FAM219A: variants seen among roughly 807,000 people sequenced by gnomAD.
FAM219A encodes the protein protein FAM219A.
FAM219A carries 7 observed loss-of-function variants against 23.4 expected under a neutral mutation model. That is an observed-to-expected ratio of 0.30 (90% confidence interval 0.17 to 0.56). FAM219A has a LOEUF of 0.56. Ranked by LOEUF, FAM219A falls within the 20% of genes least tolerant of loss-of-function variation. The pLI is 0.92. For synonymous variants in FAM219A, 93 were observed against 99.0 expected, an observed-to-expected ratio of 0.94 and a Z score of 0.36; for missense variants, 166 against 246.9, an observed-to-expected ratio of 0.67 and a Z score of 2.20.
Position 34,422,248 on chromosome 9 carries a change from A to T in FAM219A, c.61-16284T>A, listed in dbSNP as rs143117685. 3.2e-3 allele frequency among the ~76,000 whole-genome samples: 485 copies of T among 152,348 alleles called. 4 individuals carry two copies. Among genetic ancestry groups the T allele is most frequent in the African/African-American group, 0.011 (467 of 41,584 alleles). Reference sequence around the variant, plus strand: ...TGTTGCTTAAATACCTGCCAGAGGTACGGCCATGGTGCTAAGTGCTTTATC... The same window carrying T: ...TGTTGCTTAAATACCTGCCAGAGGTTCGGCCATGGTGCTAAGTGCTTTATC... On this transcript the variant is annotated intron_variant, in intron 1 of 5. Coordinates refer to ENST00000651358, the MANE Select transcript of FAM219A (RefSeq NM_001184940.2).
chr9:34,456,332 G>T (rs1186616931), intron 1 of FAM219A, among the ~76,000 whole-genome samples: 1 of 152,244 alleles, frequency 6.6e-6, no homozygotes, highest in Non-Finnish European at 1.5e-5. Flanking sequence ...ACCGGAAGCA[G>T]CTCAAGAGTT....
rs764399655 is a variant in FAM219A, at chr9:34,414,649, G to A, written c.61-8685C>T. ...TGGAAGAGAATCAGGGAAACATAAC[G>A]GAGAGGATCTCTCCAAGTGTTATTG... On this transcript the variant is annotated intron_variant, in intron 1 of 5. Transcript: ENST00000651358. Among the ~76,000 whole-genome samples, 4 of 152,228 alleles carry A rather than the reference G, an allele frequency of 2.6e-5. No homozygotes were observed. In the South Asian group the frequency reaches 6.2e-4, roughly 24 times the overall value.
intron 1 of FAM219A, among the ~76,000 whole-genome samples, chr9:34,432,747 G>A (rs891207183): frequency 1.3e-5 from 2 of 152,030 alleles, no homozygotes; most frequent in Non-Finnish European, 2.9e-5. Flanking sequence ...CCCCAGCCTC[G>A]TTCTGCCTTT....
rs557161245 is a variant in FAM219A at position 34,433,242 on chromosome 9, T to C, written c.60+24962A>G. 1.4e-4 allele frequency among the ~76,000 whole-genome samples: 21 copies of C among 152,346 alleles called. No individual in the cohort carries two copies. In the South Asian group the frequency reaches 2.1e-3, roughly 15 times the overall value. ...GCTCAAATGTTTCCAGCTTTGGCCA[T>C]TGAGAACACTTTCAGGTTGGCTCCT... On this transcript the variant is annotated intron_variant, in intron 1 of 5. Coordinates refer to ENST00000651358, the MANE Select transcript of FAM219A (RefSeq NM_001184940.2).
Position 34,457,243 on chromosome 9 carries a change from G to A in FAM219A, c.60+961C>T, listed in dbSNP as rs1588082277. Among the ~76,000 whole-genome samples, 1 of 152,322 alleles carries A rather than the reference G, an allele frequency of 6.6e-6. No homozygotes were observed. Among genetic ancestry groups the A allele is most frequent in the East Asian group, 1.9e-4 (1 of 5,168 alleles). On this transcript the variant is annotated intron_variant, in intron 1 of 5. Transcript: ENST00000651358. This position sits in a 1 kb window ranked among gnomAD's most constrained non-coding sequence, Gnocchi z 5.1. ...CCCCCCTCACTATACGAGCTGGCTA[G>A]GCCTCCACGTCTCCCACCCGGTTGC...
At chr9:34,411,417 C>T (rs113390101) in intron 1 of FAM219A, among the ~76,000 whole-genome samples, 19,771 of 151,508 alleles carry the variant, frequency 0.13, 1,601 homozygotes, top group Non-Finnish European at 0.18. Context: ...GGGCTGGGCA[C>T]GGTGGCTCAC....
chr9:34,400,659 TCTCTTGGCCAG>T lies in FAM219A; in HGVS notation c.*294_*304del, dbSNP rs1821384871. ...TTGACCTCCCTGCCGTCCAGTCTTC[TCTCTTGGCCAG>T]CCCTGGGAAGCGGGGCAGGGTGCTG... On this transcript the variant is annotated 3_prime_UTR_variant, in exon 6 of 6. Transcript: ENST00000651358. The T allele has an allele frequency of 3.6e-6, 1 of 277,824 alleles. No homozygotes were observed. 17.2% of individuals were successfully genotyped at this position (277,824 alleles called of 1,614,324 possible). A position where few individuals can be genotyped will look rare whatever the true frequency, so the allele number is the denominator to read the frequency against.
At chr9:34,403,434 G>A (rs1319860308) in intron 2 of FAM219A, among the ~76,000 whole-genome samples, 1 of 152,252 alleles carries the variant, frequency 6.6e-6, no homozygotes, top group Non-Finnish European at 1.5e-5. Context: ...AACGCAGAAG[G>A]AAGAAGAAGC....
At chr9:34,436,735 G>A (rs1197215778) in intron 1 of FAM219A, among the ~76,000 whole-genome samples, 2 of 151,932 alleles carry the variant, frequency 1.3e-5, no homozygotes, top group Non-Finnish European at 2.9e-5. Context: ...TAAGTACTTG[G>A]GTTTTGAATT....
At chr9:34,403,725 A>C (rs767571767) in intron 2 of FAM219A, among the ~76,000 whole-genome samples, 3 of 152,212 alleles carry the variant, frequency 2.0e-5, no homozygotes, top group Non-Finnish European at 4.4e-5. Flanking sequence ...GGCCAGATCT[A>C]GGAAAAGGAA....
chr9:34,413,735 C>T (rs1821905057), intron 1 of FAM219A, among the ~76,000 whole-genome samples: 1 of 152,136 alleles, frequency 6.6e-6, no homozygotes, highest in Non-Finnish European at 1.5e-5. Flanking sequence ...TAAAGTCGTG[C>T]CTGTACCTGT....
intron 1 of FAM219A, among the ~76,000 whole-genome samples, chr9:34,442,346 A>C (rs570128054): frequency 9.4e-4 from 143 of 152,366 alleles, no homozygotes; most frequent in African/African-American, 3.3e-3. Context: ...TTTAACAAAT[A>C]AATTGCAAGA....
chr9:34,412,862 A>G (rs1821872700), intron 1 of FAM219A, among the ~76,000 whole-genome samples: 1 of 152,236 alleles, frequency 6.6e-6, no homozygotes, highest in Admixed American at 6.5e-5. Context: ...AGCCCAGATG[A>G]CAAGGGATTT....
rs1821322363 is a variant in FAM219A, at chr9:34,398,935, A to G, written c.*2029T>C. On this transcript the variant is annotated 3_prime_UTR_variant, in exon 6 of 6. Transcript: ENST00000651358. ...CTCATCATCTAACTTGGGTCCCTGC[A>G]CTAGAGGAGGTAGGAATGGGTTGGC... 6.4e-6 allele frequency: 1 copy of G among 155,264 alleles called. No individual in the cohort carries two copies. 9.6% of individuals were successfully genotyped at this position (155,264 alleles called of 1,614,324 possible).
At position 34,401,604 on chromosome 9, in the gene FAM219A, T is replaced by C. The variant is rs1047504401; in HGVS notation, c.399+62A>G. 2.6e-6 allele frequency: 4 copies of C among 1,563,506 alleles called. No individual in the cohort carries two copies. In the African/African-American group the frequency reaches 4.0e-5, roughly 16 times the overall value. On this transcript the variant is annotated intron_variant, in intron 5 of 5. Transcript: ENST00000651358. ...TGTACTTGGGCATTGGCCCCAGCCC[T>C]CCCCCGGGATGGCAGTGATCCTGCC...
chr9:34,415,493 A>T (rs1821968758), intron 1 of FAM219A, among the ~76,000 whole-genome samples: 1 of 152,264 alleles, frequency 6.6e-6, no homozygotes, highest in Non-Finnish European at 1.5e-5. Flanking sequence ...TTTTTCTACT[A>T]TAAAGTAATA....
At chr9:34,432,485 G>A (rs1434655827) in intron 1 of FAM219A, among the ~76,000 whole-genome samples, 1 of 152,200 alleles carries the variant, frequency 6.6e-6, no homozygotes, top group Non-Finnish European at 1.5e-5. Context: ...GGCTTGCATG[G>A]AAACATTATA....
intron 1 of FAM219A, among the ~76,000 whole-genome samples, chr9:34,419,242 T>C (rs1428160785): frequency 6.6e-6 from 1 of 151,970 alleles, no homozygotes; most frequent in Admixed American, 6.6e-5. Context: ...GGCAGTCCCT[T>C]CCCTTTTCAT....
At chr9:34,409,837 G>T (rs1450472118) in intron 1 of FAM219A, among the ~76,000 whole-genome samples, 1 of 152,106 alleles carries the variant, frequency 6.6e-6, no homozygotes, top group Non-Finnish European at 1.5e-5. Flanking sequence ...ATATCAGCCT[G>T]TTGCAACTTT....
Sources: allele counts gnomAD v4.1 joint callset (sites outside exome capture counted in the v4.1 genomes callset), GRCh38; gene constraint gnomAD v4.1.1; non-coding constraint Gnocchi (gnomAD v3.1); transcripts MANE v1.5; gene names NCBI Gene and HGNC (gene_info 2026-07-23, HGNC 2026-07-21).